The following ETFB variants were observed in gnomAD, a reference collection of about 807,000 sequenced individuals.
ETFB encodes the protein electron transfer flavoprotein subunit beta, also known as beta-ETF.
In ETFB, 20 loss-of-function variants were observed where a neutral mutation model predicts 25.6. The ratio of observed to expected loss-of-function variants is 0.78; its 90% CI spans 0.55 to 1.14. ETFB has a LOEUF of 1.14. Ranked by LOEUF, ETFB falls within the 50% of genes most tolerant of loss-of-function variation. The pLI is 0.00. For synonymous variants in ETFB, 142 were observed against 146.7 expected (o/e 0.97, Z 0.23); for missense variants, 286 against 342.6 (o/e 0.83, Z 1.30).
chr19:51,357,985 G>A (rs1986125003), intron 1 of ETFB, among the ~76,000 whole-genome samples: 1 of 152,194 alleles, frequency 6.6e-6, no homozygotes, highest in South Asian at 2.1e-4. Flanking sequence ...TTCGTGATGG[G>A]AAGATGACAC....
At chr19:51,358,831 C>CA (rs112821668) in intron 1 of ETFB, among the ~76,000 whole-genome samples, 121 of 134,180 alleles carry the variant, frequency 9.0e-4, no homozygotes, top group Admixed American at 4.4e-3. Flanking sequence ...CAAACAACAA[C>CA]AAAAAAAAAA....
chr19:51,352,376 C>G (rs186014194), intron 3 of ETFB, among the ~76,000 whole-genome samples: 1 of 152,252 alleles, frequency 6.6e-6, no homozygotes, highest in Admixed American at 6.5e-5. Flanking sequence ...CTTCACACTC[C>G]CCTTGTAGGA....
intron 1 of ETFB, among the ~76,000 whole-genome samples, chr19:51,358,277 C>G (rs1187715859): frequency 6.6e-6 from 1 of 152,130 alleles, no homozygotes; most frequent in Non-Finnish European, 1.5e-5. Flanking sequence ...TGTAACTGTT[C>G]CTCCCACAGG....
intron 1 of ETFB, among the ~76,000 whole-genome samples, chr19:51,363,877 CAGG>C (rs1986289357): frequency 6.6e-6 from 1 of 152,124 alleles, no homozygotes; most frequent in Admixed American, 6.5e-5. Context: ...TCTGTCAGGA[CAGG>C]AGGAGCAGGT....
At chr19:51,351,118 TG>T (rs1415658243) in intron 3 of ETFB, among the ~76,000 whole-genome samples, 1 of 152,214 alleles carries the variant, frequency 6.6e-6, no homozygotes, top group African/African-American at 2.4e-5. Flanking sequence ...ATGTGGCCCC[TG>T]GGCAGCTGCA....
intron 1 of ETFB, 96 bp from the exon 2 acceptor site, chr19:51,354,404 C>A: frequency 6.2e-7 from 1 of 1,613,986 alleles, no homozygotes. Context: ...ATGAGGACAA[C>A]GACAGCCTGG....
chr19:51,354,412 T>A, intron 1 of ETFB, 104 bp from the exon 2 acceptor site: 1 of 1,613,976 alleles, frequency 6.2e-7, no homozygotes, highest in Non-Finnish European at 8.5e-7. Flanking sequence ...AACGACAGCC[T>A]GGAAAGGGGC....
intron 1 of ETFB, chr19:51,355,540 C>T (rs1599843910): frequency 6.6e-6 from 1 of 152,238 alleles, no homozygotes; most frequent in East Asian, 1.9e-4. Context: ...GTGGTGATTC[C>T]TCAGGGATCT....
At chr19:51,355,819 A>G (rs990233588) in intron 1 of ETFB, 1 of 151,678 alleles carries the variant, frequency 6.6e-6, no homozygotes. Context: ...GGAAACCATC[A>G]TTCTCAGCAA....
intron 1 of ETFB, among the ~76,000 whole-genome samples, chr19:51,363,552 G>A (rs958460038): frequency 6.6e-6 from 1 of 152,040 alleles, no homozygotes; most frequent in Non-Finnish European, 1.5e-5. Flanking sequence ...AGGTTCAAGC[G>A]ATTCTCCTGC....
At chr19:51,350,227 T>C (rs1705431035) in intron 4 of ETFB, 102 bp downstream of exon 4, 1 of 1,301,502 alleles carries the variant, frequency 7.7e-7, no homozygotes, top group Admixed American at 2.0e-5. Flanking sequence ...GGGAACAGTG[T>C]TCCAGGAGGA....
At chr19:51,346,808 C>G in intron 5 of ETFB, 92 bp downstream of exon 5, 1 of 1,313,962 alleles carries the variant, frequency 7.6e-7, no homozygotes, top group South Asian at 1.3e-5. Flanking sequence ...CCTTTGGATC[C>G]TTCCCTCCCC....
At chr19:51,354,625 A>C (rs1986030949) in intron 1 of ETFB, 1 of 1,613,722 alleles carries the variant, frequency 6.2e-7, no homozygotes, top group African/African-American at 1.3e-5. Context: ...GGTAACCCAC[A>C]GTGAGAGGTA....
chr19:51,359,734 G>A (rs1986174176), intron 1 of ETFB, among the ~76,000 whole-genome samples: 1 of 152,140 alleles, frequency 6.6e-6, no homozygotes, highest in African/African-American at 2.4e-5. Flanking sequence ...TAGCTTGTTT[G>A]TTTTTTAAAT....
chr19:51,359,031 G>T (rs1231456264), intron 1 of ETFB, among the ~76,000 whole-genome samples: 1 of 151,944 alleles, frequency 6.6e-6, no homozygotes, highest in Non-Finnish European at 1.5e-5. Context: ...AGGAGAAAGA[G>T]GAGAAGGAGC....
chr19:51,363,853 A>G (rs11084071), intron 1 of ETFB, among the ~76,000 whole-genome samples: 81,480 of 151,980 alleles, frequency 0.54, 22,608 homozygotes, highest in African/African-American at 0.63. Context: ...TGGAACGGGC[A>G]AGCCGCGGCC....
At chr19:51,359,847 T>G (rs10416097) in intron 1 of ETFB, among the ~76,000 whole-genome samples, 1 of 150,674 alleles carries the variant, frequency 6.6e-6, no homozygotes, top group African/African-American at 2.4e-5. Flanking sequence ...TAGAGAGACT[T>G]CATCTCTACC....
chr19:51,345,598 A>G (rs1985754809), intron 5 of ETFB: 14 of 600,570 alleles, frequency 2.3e-5, no homozygotes, highest in Non-Finnish European at 3.9e-5. Flanking sequence ...CTACTGCAGC[A>G]GTCCTCCTTT....
At chr19:51,354,751 G>T in intron 1 of ETFB, 1 of 1,266,660 alleles carries the variant, frequency 7.9e-7, no homozygotes, top group Non-Finnish European at 1.1e-6. Flanking sequence ...GTCCTCAGAG[G>T]AGCAGCCTGC....
Sources: gnomAD v4.1 joint callset for allele counts (sites outside exome capture counted in the v4.1 genomes callset) on GRCh38, gnomAD v4.1.1 for gene constraint, MANE v1.5 for transcripts, NCBI Gene and HGNC (gene_info 2026-07-23, HGNC 2026-07-21) for gene names.